Variants in SDK2 observed in about 807,000 individuals in gnomAD.
SDK2 encodes the protein sidekick cell adhesion molecule 2.
SDK2 carries 105 observed loss-of-function variants against 253.9 expected under a neutral mutation model. The observed-to-expected ratio is 0.41, with a 90% CI of 0.35 to 0.49. The LOEUF (loss-of-function observed/expected upper bound fraction) is 0.49, where lower values mean the gene tolerates loss of function less well. Ranked by LOEUF, SDK2 falls within the 20% of genes least tolerant of loss-of-function variation. SDK2 has a pLI of 0.06. For missense variants in SDK2, 2,608 were observed against 3,003.0 expected (o/e 0.87, Z 3.07); for synonymous variants, 1,249 against 1,234.9 (o/e 1.01, Z -0.24).
Position 73,417,028 on chromosome 17 carries a change from A to T in SDK2, c.2187-1036T>A, listed in dbSNP as rs112437418. On this transcript the variant is annotated intron_variant, in intron 16 of 44. Transcript: ENST00000392650. ...TTATATCATAAATGCATAAAAATATACGTGTTAATCGACTGGTTATAGGTG... is the reference window on the plus strand; with the variant it reads ...TTATATCATAAATGCATAAAAATATTCGTGTTAATCGACTGGTTATAGGTG... Among the ~76,000 whole-genome samples, 740 of 152,338 alleles carry T rather than the reference A, an allele frequency of 4.9e-3. 3 individuals are homozygous for T. The highest frequency in any genetic ancestry group is 0.016 in the African/African-American group (662 of 41,572).
intron 2 of SDK2, among the ~76,000 whole-genome samples, chr17:73,505,798 T>C (rs1197745786): frequency 6.6e-6 from 1 of 152,092 alleles, no homozygotes; most frequent in African/African-American, 2.4e-5. Flanking sequence ...TCATCATCAA[T>C]AGCTGGACCT....
chr17:73,613,677 C>A (rs1055039037), intron 1 of SDK2, among the ~76,000 whole-genome samples: 1 of 150,870 alleles, frequency 6.6e-6, no homozygotes, highest in Non-Finnish European at 1.5e-5. Flanking sequence ...CGGCCAACCC[C>A]CATCCAGTGG....
intron 16 of SDK2, 40 bp downstream of exon 16, chr17:73,419,119 GCCTTTCC>G: frequency 6.3e-7 from 1 of 1,595,204 alleles, no homozygotes; most frequent in South Asian, 1.1e-5. Flanking sequence ...CTTCCCCCAT[GCCTTTCC>G]CCTTGGGACT....
intron 30 of SDK2, 24 bp from the exon 31 acceptor site, chr17:73,386,572 T>C (rs2062874480): frequency 6.7e-6 from 10 of 1,488,288 alleles, no homozygotes; most frequent in Non-Finnish European, 9.2e-6. Flanking sequence ...TCAGGGCCAA[T>C]GAGCCAAGGT....
At chr17:73,460,327 C>A (rs1196088953) in intron 3 of SDK2, among the ~76,000 whole-genome samples, 1 of 152,188 alleles carries the variant, frequency 6.6e-6, no homozygotes, top group East Asian at 1.9e-4. Context: ...CCTGAGAGGA[C>A]TTCAGCCCCA....
At chr17:73,477,786 C>T (rs977392611) in intron 2 of SDK2, among the ~76,000 whole-genome samples, 1 of 152,112 alleles carries the variant, frequency 6.6e-6, no homozygotes, top group Non-Finnish European at 1.5e-5. Context: ...CTCCCAGTCA[C>T]CTCCATGTGC....
intron 1 of SDK2, among the ~76,000 whole-genome samples, chr17:73,572,883 C>T (rs573052493): frequency 9.3e-4 from 141 of 152,276 alleles, no homozygotes; most frequent in African/African-American, 2.9e-3. Flanking sequence ...TACTTCCTCC[C>T]GGGGAGCCTC....
chr17:73,375,230 CTTTTTTTTTTTTTTTTT>C (rs33992958), intron 36 of SDK2, among the ~76,000 whole-genome samples: 25 of 58,578 alleles, frequency 4.3e-4, no homozygotes, highest in Admixed American at 1.8e-3. Context: ...TCCTAACAAC[CTTTTTTTTTTTTTTTTT>C]TTTTTTTTTT....
chr17:73,485,745 A>T (rs1426724397), intron 2 of SDK2, among the ~76,000 whole-genome samples: 1 of 152,224 alleles, frequency 6.6e-6, no homozygotes, highest in Non-Finnish European at 1.5e-5. Flanking sequence ...TTTTACTGGG[A>T]CACAGCCATG....
intron 12 of SDK2, among the ~76,000 whole-genome samples, chr17:73,429,347 T>TA (rs1166901791): frequency 1.3e-5 from 2 of 152,254 alleles, no homozygotes; most frequent in East Asian, 3.8e-4. Flanking sequence ...TAACTATTAA[T>TA]ACATCTATGT....
rs761551810 is a variant in SDK2, at chr17:73,419,314, A to T, written c.2046-8T>A. On this transcript the variant is annotated splice_polypyrimidine_tract_variant and splice_region_variant and intron_variant, in intron 15 of 44. Coordinates refer to ENST00000392650, the MANE Select transcript of SDK2 (RefSeq NM_001144952.2). ...TCCTCGGGGAGGGAGACCCTGGATC[A>T]CAAAACACCAATGCTCTTAGTCTTG... 4 of 1,610,326 alleles carry T rather than the reference A, an allele frequency of 2.5e-6. No homozygotes were observed. Among genetic ancestry groups the T allele is most frequent in the Non-Finnish European group, 3.4e-6 (4 of 1,179,398 alleles).
chr17:73,397,889 G>T (rs2145514875), intron 24 of SDK2, 146 bp downstream of exon 24: 2 of 911,786 alleles, frequency 2.2e-6, no homozygotes, highest in Non-Finnish European at 3.2e-6. Flanking sequence ...TTTGTTCGTT[G>T]GGCTAAGATG....
chr17:73,416,067 C>A, intron 16 of SDK2, 75 bp from the exon 17 acceptor site: 1 of 1,380,544 alleles, frequency 7.2e-7, no homozygotes. Context: ...TTGTCCAGAG[C>A]AGCGCTGTCC....
intron 1 of SDK2, among the ~76,000 whole-genome samples, chr17:73,573,048 T>C (rs1250437902): frequency 6.6e-6 from 1 of 152,276 alleles, no homozygotes; most frequent in East Asian, 1.9e-4. Flanking sequence ...GACTGCCCCA[T>C]GGCCCTGCTA....
At chr17:73,638,200 C>T (rs1227112843) in intron 1 of SDK2, among the ~76,000 whole-genome samples, 1 of 152,172 alleles carries the variant, frequency 6.6e-6, no homozygotes, top group East Asian at 1.9e-4. Flanking sequence ...TGACCGTGGG[C>T]TGTATGCCTC....
At position 73,642,011 on chromosome 17, in the gene SDK2, G is replaced by T. The variant is rs377548664; in HGVS notation, c.64+2014C>A. ...AGCGGAGCAGCAGGGGACCTGGGCA[G>T]CCTGACACGCAAAAAGCCAGCAAAC... On this transcript the variant is annotated intron_variant, in intron 1 of 44. Transcript: ENST00000392650. This position sits in a 1 kb window ranked among gnomAD's most constrained non-coding sequence, Gnocchi z 4.7. Among the ~76,000 whole-genome samples the T allele has an allele frequency of 6.6e-5, 10 of 152,288 alleles. No individual in the cohort carries two copies. The highest frequency in any genetic ancestry group is 5.2e-4 in the Admixed American group (8 of 15,294).
chr17:73,449,592 C>A (rs913026024), intron 4 of SDK2, among the ~76,000 whole-genome samples: 1 of 141,632 alleles, frequency 7.1e-6, no homozygotes, highest in Non-Finnish European at 1.5e-5. Flanking sequence ...CTAATGATGC[C>A]CCCCCACCTC....
chr17:73,378,794 C>T (rs1045837047), intron 36 of SDK2, among the ~76,000 whole-genome samples: 1 of 152,050 alleles, frequency 6.6e-6, no homozygotes, highest in African/African-American at 2.4e-5. Context: ...TGATTAATAT[C>T]AATATTGTAA....
rs574777472 is a variant in SDK2 at position 73,477,427 on chromosome 17, A to T, written c.225-5209T>A. Among the ~76,000 whole-genome samples the T allele has an allele frequency of 1.1e-3, 173 of 152,276 alleles. 2 individuals carry two copies. The highest frequency in any genetic ancestry group is 6.7e-3 in the Admixed American group (102 of 15,300). Reference sequence around the variant, plus strand: ...GTGCAGTGTTGGAGAAGGCACCAGGACTTCCACCTCAGGGGGACTTACACT... The same window carrying T: ...GTGCAGTGTTGGAGAAGGCACCAGGTCTTCCACCTCAGGGGGACTTACACT... On this transcript the variant is annotated intron_variant, in intron 2 of 44. Coordinates refer to ENST00000392650, the MANE Select transcript of SDK2 (RefSeq NM_001144952.2).
Sources: allele counts gnomAD v4.1 joint callset (sites outside exome capture counted in the v4.1 genomes callset), GRCh38; gene constraint gnomAD v4.1.1; non-coding constraint Gnocchi (gnomAD v3.1); transcripts MANE v1.5; gene names NCBI Gene and HGNC (gene_info 2026-07-23, HGNC 2026-07-21).